BOC: variants seen among roughly 807,000 people sequenced by gnomAD.
BOC encodes BOC cell adhesion associated, oncogene regulated, also known as brother of CDO.
A neutral mutation model predicts 112.0 loss-of-function variants in BOC; 76 were observed. That is an observed-to-expected ratio of 0.68 (90% confidence interval 0.56 to 0.82). BOC has a LOEUF of 0.82. Among genes scored for constraint, BOC ranks in the 40% least tolerant of loss-of-function variants. BOC has a pLI of 0.00. For missense variants in BOC, 1,309 were observed against 1,511.7 expected (o/e 0.87, Z 2.22); for synonymous variants, 580 against 599.8 (o/e 0.97, Z 0.48).
intron 4 of BOC, among the ~76,000 whole-genome samples, chr3:113,260,656 T>TTAGAATAGAATAGAATAGAA (rs1221490195): frequency 5.7e-5 from 6 of 104,474 alleles, no homozygotes; most frequent in African/African-American, 2.4e-4. Flanking sequence ...TTAGATTCTA[T>TTAGAATAGAATAGAATAGAA]TAGAATAGAA....
chr3:113,261,705 A>G (rs1021764232), intron 4 of BOC: 4 of 152,218 alleles, frequency 2.6e-5, no homozygotes, highest in African/African-American at 9.7e-5. Flanking sequence ...TCATTTAATG[A>G]CATTGCAAAA....
At position 113,248,744 on chromosome 3, in the gene BOC, A is replaced by G. The variant is rs372235184; in HGVS notation, c.-81-978A>G. Among the ~76,000 whole-genome samples the G allele has an allele frequency of 9.8e-5, 15 of 152,328 alleles. No individual in the cohort carries two copies. In the East Asian group the frequency reaches 2.7e-3, roughly 27 times the overall value. ...TAAATCTTGTAAGGACCATAGCTTA[A>G]GAAAGGCATAAAAAATTGTGCCTTC... On this transcript the variant is annotated intron_variant, in intron 2 of 19. Transcript: ENST00000682979.
Position 113,281,031 on chromosome 3 carries a change from G to C in BOC, c.2312G>C (p.Gly771Ala). The change falls in exon 15 of 20, where the codon GGG (glycine) becomes GCG (alanine). Residue 771 changes from glycine (G) to alanine (A), a missense_variant and splice_region_variant. Coordinates refer to ENST00000682979, the MANE Select transcript of BOC (RefSeq NM_001378074.1). ...ACCATTCTCTGACTCTGTTTCCCAG[G>C]GGACAAGTACTGGCACTCCATCAGC... is the stretch of plus-strand genomic sequence containing the variant. The part of the protein sequence containing the change: ...DSDYKKDMVE[G>A]DKYWHSISHL... 1 of 1,613,842 alleles carries C rather than the reference G, an allele frequency of 6.2e-7. No individual in the cohort carries two copies. Among genetic ancestry groups the C allele is most frequent in the Non-Finnish European group, 8.5e-7 (1 of 1,179,990 alleles).
intron 2 of BOC, among the ~76,000 whole-genome samples, chr3:113,217,360 C>G (rs748351047): frequency 5.9e-5 from 9 of 152,100 alleles, no homozygotes; most frequent in Non-Finnish European, 1.2e-4. Flanking sequence ...TACAAACAAA[C>G]AAACAAACAA....
chr3:113,283,076 T>C (rs1559888944), intron 15 of BOC, among the ~76,000 whole-genome samples: 1 of 152,192 alleles, frequency 6.6e-6, no homozygotes, highest in Non-Finnish European at 1.5e-5. Context: ...CTCCTGCATT[T>C]TAAATATTTT....
In BOC at chr3:113,278,420, C is replaced by G. The variant is rs938718264; in HGVS notation, c.1705+163C>G. Among the ~76,000 whole-genome samples, 4 of 152,102 alleles carry G rather than the reference C, an allele frequency of 2.6e-5. No homozygotes were observed. The highest frequency in any genetic ancestry group is 9.7e-5 in the African/African-American group (4 of 41,408). On this transcript the variant is annotated intron_variant, in intron 10 of 19. Coordinates refer to ENST00000682979, the MANE Select transcript of BOC (RefSeq NM_001378074.1). This position sits in a 1 kb window ranked among gnomAD's most constrained non-coding sequence, Gnocchi z 4.2. ...TGTGGTTTGTGTGCTAGGCTGAGGT[C>G]CCAGCTCTCATCAGGAGAGTAGCCA...
rs576260120 is a variant in BOC, at chr3:113,229,166, C to T, written c.-82+12892C>T. ...GGACCAAACTGAAAATCGACTCCTT[C>T]GGGAAGGCCAGGAGCTAGAAGCTCA... On this transcript the variant is annotated intron_variant, in intron 2 of 19. Transcript: ENST00000682979. Among the ~76,000 whole-genome samples, 137 of 152,260 alleles carry T rather than the reference C, an allele frequency of 9.0e-4. 1 individual carries two copies. The highest frequency in any genetic ancestry group is 2.7e-3 in the African/African-American group (112 of 41,540).
intron 2 of BOC, among the ~76,000 whole-genome samples, chr3:113,230,609 A>G (rs1054137274): frequency 2.0e-5 from 3 of 152,204 alleles, no homozygotes; most frequent in South Asian, 2.1e-4. Flanking sequence ...GATCATTCAT[A>G]TGTATTAGCT....
intron 4 of BOC, among the ~76,000 whole-genome samples, chr3:113,267,532 C>T (rs976138952): frequency 1.3e-5 from 2 of 152,168 alleles, no homozygotes; most frequent in African/African-American, 4.8e-5. Context: ...GTTGTCCTGG[C>T]AGATTCCTCT....
intron 2 of BOC, among the ~76,000 whole-genome samples, chr3:113,233,148 G>GGGTGTGTGTGTGTGTGTGTGT (rs75678874): frequency 1.6e-5 from 2 of 123,960 alleles, no homozygotes; most frequent in East Asian, 2.5e-4. Flanking sequence ...AAAGGATTGG[G>GGGTGTGTGTGTGTGTGTGTGT]GTGTGTGTGT....
chr3:113,212,844 C>G (rs1018518841), intron 1 of BOC, among the ~76,000 whole-genome samples: 1 of 151,984 alleles, frequency 6.6e-6, no homozygotes. Flanking sequence ...ACCAGTGGGA[C>G]GGGGCTGTGG....
intron 2 of BOC, among the ~76,000 whole-genome samples, chr3:113,217,705 C>T (rs1939719761): frequency 1.3e-5 from 2 of 152,228 alleles, no homozygotes; most frequent in South Asian, 4.1e-4. Context: ...ACTCATTTTC[C>T]TCAGTGAATG....
Position 113,285,435 on chromosome 3 carries a change from C to G in BOC, c.3030C>G (p.His1010Gln), listed in dbSNP as rs540456315. The change falls in exon 19 of 20, where the codon CAC becomes CAG. Residue 1010 changes from histidine to glutamine, a missense_variant. Physicochemically the swap from His to Gln is conservative, Grantham distance 24. Coordinates refer to ENST00000682979, the MANE Select transcript of BOC (RefSeq NM_001378074.1). ...ACACACTGCCCGACGACTCCACTCA[C>G]CAGCTGCTGCAGCCCCATCACGACT... ...FLYTLPDDST[H>Q]QLLQPHHDCC... 3.7e-6 allele frequency: 6 copies of G among 1,613,996 alleles called. No individual in the cohort carries two copies. The East Asian group carries it at 1.3e-4, about 36-fold the overall frequency.
chr3:113,274,642 G>T lies in BOC; in HGVS notation c.1502G>T (p.Gly501Val). 6.2e-7 allele frequency: 1 copy of T among 1,608,552 alleles called. No homozygotes were observed. Among genetic ancestry groups the T allele is most frequent in the Non-Finnish European group, 8.5e-7 (1 of 1,176,238 alleles). Residue 501 changes from glycine (G) to valine (V), a missense_variant, in exon 9 of 20, where the codon GGC becomes GTC. Coordinates refer to ENST00000682979, the MANE Select transcript of BOC (RefSeq NM_001378074.1). This position sits in a 1 kb window ranked among gnomAD's most constrained non-coding sequence, Gnocchi z 4.8. ...LVWRPRHEGS[G>V]RAPILYYVVK... The stretch of plus-strand genomic sequence containing the variant: ...TGGCGGCCTCGGCATGAGGGCAGTG[G>T]CCGGGCGCCAATCCTCTACTATGTG...
In BOC at chr3:113,283,560, G is replaced by C. The variant is rs148702312; in HGVS notation, c.2584G>C (p.Val862Leu). 1 of 1,613,800 alleles carries C rather than the reference G, an allele frequency of 6.2e-7. No individual in the cohort carries two copies. The highest frequency in any genetic ancestry group is 8.5e-7 in the Non-Finnish European group (1 of 1,179,980). The change falls in exon 16 of 20, where the codon GTC becomes CTC. Residue 862 changes from valine (V) to leucine (L), a missense_variant. Physicochemically the swap from Val to Leu is conservative, Grantham distance 32. Coordinates refer to ENST00000682979, the MANE Select transcript of BOC (RefSeq NM_001378074.1). Reference sequence around the variant, plus strand: ...CCTGCCCTATCTGATTGTCGGGGTCGTCCTGGGCTCCATCGTTCTCATCAT... The same window carrying C: ...CCTGCCCTATCTGATTGTCGGGGTCCTCCTGGGCTCCATCGTTCTCATCAT... ...SDLPYLIVGV[V>L]LGSIVLIIVT...
At chr3:113,245,287 T>C (rs945376418) in intron 2 of BOC, among the ~76,000 whole-genome samples, 1 of 152,212 alleles carries the variant, frequency 6.6e-6, no homozygotes, top group Non-Finnish European at 1.5e-5. Context: ...TCTTGCTCTG[T>C]TGCCCAGGCT....
chr3:113,280,219 TG>T (rs1182168337), intron 13 of BOC, among the ~76,000 whole-genome samples: 1 of 152,078 alleles, frequency 6.6e-6, no homozygotes, highest in African/African-American at 2.4e-5. Flanking sequence ...GCCCTTCCCC[TG>T]ACACCACAGG....
intron 2 of BOC, among the ~76,000 whole-genome samples, chr3:113,236,979 A>G (rs1258970444): frequency 6.6e-6 from 1 of 152,244 alleles, no homozygotes; most frequent in Admixed American, 6.5e-5. Context: ...AAAGATACTA[A>G]GTAACTCACT....
In BOC at chr3:113,274,041, G is replaced by A. The variant is rs375002623; in HGVS notation, c.1235-334G>A. Reference sequence around the variant, plus strand: ...CATGTCCCCACCTCCAGCCTAGACCGAGAAGGAAGGCGCAGGGTTCCTGGG... The same window carrying A: ...CATGTCCCCACCTCCAGCCTAGACCAAGAAGGAAGGCGCAGGGTTCCTGGG... On this transcript the variant is annotated intron_variant, in intron 8 of 19. Transcript: ENST00000682979. This position sits in a 1 kb window ranked among gnomAD's most constrained non-coding sequence, Gnocchi z 4.8. Among the ~76,000 whole-genome samples the A allele has an allele frequency of 4.5e-3, 685 of 152,322 alleles. 8 individuals are homozygous for A. The highest frequency in any genetic ancestry group is 0.015 in the African/African-American group (644 of 41,564).
Sources: allele counts gnomAD v4.1 joint callset (sites outside exome capture counted in the v4.1 genomes callset), GRCh38; gene constraint gnomAD v4.1.1; non-coding constraint Gnocchi (gnomAD v3.1); transcripts MANE v1.5; gene names NCBI Gene and HGNC (gene_info 2026-07-23, HGNC 2026-07-21).